Variants in STRA6 observed in about 807,000 individuals in gnomAD.
STRA6 encodes receptor for retinol uptake STRA6.
A neutral mutation model predicts 83.6 loss-of-function variants in STRA6; 48 were observed. The ratio of observed to expected loss-of-function variants is 0.57; its 90% confidence interval spans 0.46 to 0.73. STRA6 has a LOEUF of 0.73. Among genes scored for constraint, STRA6 ranks in the 30% least tolerant of loss-of-function variants. The pLI, the probability that STRA6 is intolerant of heterozygous loss-of-function variation, is 0.00. For synonymous variants in STRA6, 353 were observed against 362.3 expected, an observed-to-expected ratio of 0.97 and a Z score of 0.29; for missense variants, 760 against 838.8, an observed-to-expected ratio of 0.91 and a Z score of 1.16.
chr15:74,196,197 C>T, intron 4 of STRA6, 50 bp from the exon 5 acceptor site: 2 of 1,607,372 alleles, frequency 1.2e-6, no homozygotes, highest in Non-Finnish European at 8.5e-7. Context: ...AGCCCCTGCA[C>T]CCCCATTACC....
intron 12 of STRA6, among the ~76,000 whole-genome samples, chr15:74,186,463 C>T (rs2073250220): frequency 6.6e-6 from 1 of 152,204 alleles, no homozygotes; most frequent in South Asian, 2.1e-4. Context: ...CAAAAATTAG[C>T]CAGGCCTGGT....
chr15:74,210,900 G>A (rs1274711668), upstream of STRA6, among the ~76,000 whole-genome samples: 1 of 152,178 alleles, frequency 6.6e-6, no homozygotes, highest in Admixed American at 6.5e-5. Flanking sequence ...TGTGATAGCT[G>A]GATCTCAGGC....
exon 1 of STRA6, chr15:74,208,820 G>C (rs2074320731): frequency 1.0e-6 from 1 of 989,120 alleles, no homozygotes; most frequent in East Asian, 1.1e-4. Context: ...GCGCTCTCCT[G>C]ACCTCTCCCT....
Position 74,188,996 on chromosome 15 carries a change from G to A in STRA6, c.1090+119C>T. The stretch of plus-strand genomic sequence containing the variant: ...GGAGATGAGGCAATCGAGACCCAGA[G>A]AGAGGAAGGAATGTGTCCAAGGGCC... On this transcript the variant is annotated intron_variant, in intron 12 of 18. Coordinates refer to ENST00000395105, the MANE Select transcript of STRA6 (RefSeq NM_022369.4). The surrounding 1 kb of genome is among the most constrained non-coding windows in gnomAD (Gnocchi z 4.5). 8.0e-7 allele frequency: 1 copy of A among 1,247,552 alleles called. No homozygotes were observed. Among genetic ancestry groups the A allele is most frequent in the South Asian group, 1.3e-5 (1 of 76,080 alleles). 77.3% of individuals were successfully genotyped at this position (1,247,552 alleles called of 1,614,324 possible).
chr15:74,184,870 G>T, intron 13 of STRA6, 110 bp downstream of exon 13: 2 of 1,113,966 alleles, frequency 1.8e-6, no homozygotes, highest in Non-Finnish European at 2.7e-6. Context: ...ATGACAGCCC[G>T]GGCCGGCAGA....
chr15:74,180,477 G>C (rs946971538), intron 18 of STRA6, among the ~76,000 whole-genome samples: 3 of 152,158 alleles, frequency 2.0e-5, no homozygotes, highest in African/African-American at 7.2e-5. Flanking sequence ...CACACTTCTG[G>C]GCAGAAGGAA....
In STRA6 at chr15:74,197,290, C is replaced by T. The variant is rs571567311; in HGVS notation, c.266+48G>A. 4 of 1,395,760 alleles carry T rather than the reference C, an allele frequency of 2.9e-6. No homozygotes were observed. In the South Asian group the frequency reaches 3.7e-5, roughly 13 times the overall value. 86.5% of individuals were successfully genotyped at this position (1,395,760 alleles called of 1,614,324 possible). On this transcript the variant is annotated intron_variant, in intron 4 of 18. Coordinates refer to ENST00000395105, the MANE Select transcript of STRA6 (RefSeq NM_022369.4). ...AATCACCCACCCTCCCAGAGGGACC[C>T]TGTCAGCTGGGTCCCCTGAGTGGGG...
Position 74,193,791 on chromosome 15 carries a change from C to G in STRA6, c.720+9G>C, listed in dbSNP as rs573299055. On this transcript the variant is annotated intron_variant, in intron 8 of 18. Transcript: ENST00000395105. ...TGAGGAAGAGCTCATCCCAGGCCTG[C>G]CCCTTTACCTTGGAGCCTGCTCCTG... The G allele has an allele frequency of 6.2e-6, 10 of 1,613,206 alleles. No homozygotes were observed. The highest frequency in any genetic ancestry group is 8.5e-6 in the Non-Finnish European group (10 of 1,179,482).
upstream of STRA6, among the ~76,000 whole-genome samples, chr15:74,207,542 C>T (rs1035667870): frequency 4.6e-5 from 7 of 152,218 alleles, no homozygotes; most frequent in Admixed American, 2.0e-4. Flanking sequence ...CCCCGTTGCT[C>T]TCCACCCTCC....
rs1201905979 is a variant in STRA6, at chr15:74,180,161, C to G, written c.1923G>C (p.Leu641=). 1 of 1,613,868 alleles carries G rather than the reference C, an allele frequency of 6.2e-7. No homozygotes were observed. The highest frequency in any genetic ancestry group is 1.3e-5 in the African/African-American group (1 of 74,926). The stretch of plus-strand genomic sequence containing the variant: ...TTGGGTTGTGCAGCAGCGTGTAGGC[C>G]AGACCCCAGCGAGCCCTGCCGCGGC... ...GASRGRARWG[L]AYTLLHNPTL... is the part of the protein sequence containing the mutation. The change falls in exon 19 of 19, where the codon CTG becomes CTC. Residue 641 remains leucine (L), a synonymous_variant. Coordinates refer to ENST00000395105, the MANE Select transcript of STRA6 (RefSeq NM_022369.4).
intron 2 of STRA6, among the ~76,000 whole-genome samples, chr15:74,200,469 T>C (rs2074008428): frequency 6.6e-6 from 1 of 152,176 alleles, no homozygotes; most frequent in Admixed American, 6.5e-5. Context: ...TTAGGACATT[T>C]CTGTGGCTGA....
Position 74,191,232 on chromosome 15 carries a change from G to T in STRA6, c.800C>A (p.Ser267Tyr), listed in dbSNP as rs150237465. 2.5e-6 allele frequency: 4 copies of T among 1,613,714 alleles called. No homozygotes were observed. In the African/African-American group the frequency reaches 5.3e-5, roughly 22 times the overall value. ...RKKLGSSYHT[S>Y]KHGFLSWARV... Reference sequence around the variant, plus strand: ...GGCCCAGGACAGGAAGCCATGCTTGGAGGTGTGGTAGCTGCAGAAAGACCC... The same window carrying T: ...GGCCCAGGACAGGAAGCCATGCTTGTAGGTGTGGTAGCTGCAGAAAGACCC... Residue 267 changes from serine (S) to tyrosine (Y), a missense_variant, in exon 10 of 19, where the codon TCC (serine) becomes TAC (tyrosine). Ser to Tyr is a moderately radical substitution (Grantham distance 144). Transcript: ENST00000395105.
rs552866601 is a variant in STRA6 at position 74,188,123 on chromosome 15, G to T, written c.1090+992C>A. 6.6e-6 allele frequency among the ~76,000 whole-genome samples: 1 copy of T among 152,308 alleles called. No homozygotes were observed. Among genetic ancestry groups the T allele is most frequent in the African/African-American group, 2.4e-5 (1 of 41,582 alleles). On this transcript the variant is annotated intron_variant, in intron 12 of 18. Transcript: ENST00000395105. This position sits in a 1 kb window ranked among gnomAD's most constrained non-coding sequence, Gnocchi z 4.5. ...CTAGTACGGGAACTGAGGTGCTCAC[G>T]GAGATGGTGGAGGTGGTCAGGGAAG... is the stretch of plus-strand genomic sequence containing the variant.
chr15:74,191,426 G>A lies in STRA6; in HGVS notation c.786C>T (p.Ser262=). 1.2e-6 allele frequency: 2 copies of A among 1,614,114 alleles called. No homozygotes were observed. The highest frequency in any genetic ancestry group is 8.5e-7 in the Non-Finnish European group (1 of 1,179,978). The change falls in exon 9 of 19, where the codon AGC becomes AGT. Residue 262 remains serine, a splice_region_variant and synonymous_variant. Coordinates refer to ENST00000395105, the MANE Select transcript of STRA6 (RefSeq NM_022369.4). ...RNLLCRKKLG[S]SYHTSKHGFL... is the part of the protein sequence containing the mutation. ...AAAGGGTGTGTCAGAGACCCCACCT[G>A]CTTCCCAGCTTCTTCCTGCAAAGGA...
At chr15:74,203,216 G>A (rs77598425), upstream of STRA6, 1 of 482,768 alleles carries the variant, frequency 2.1e-6, no homozygotes, top group Non-Finnish European at 2.6e-6. Flanking sequence ...AACCCTTTTT[G>A]TTCCTACAAG....
At chr15:74,193,758 T>C in intron 8 of STRA6, 42 bp downstream of exon 8, 1 of 1,610,664 alleles carries the variant, frequency 6.2e-7, no homozygotes. Flanking sequence ...TAGGGCTGTC[T>C]TGGGTGCTGA....
intron 2 of STRA6, among the ~76,000 whole-genome samples, chr15:74,200,173 T>G (rs2073992244): frequency 6.6e-6 from 1 of 152,128 alleles, no homozygotes; most frequent in Non-Finnish European, 1.5e-5. Context: ...TGAGCCAAGA[T>G]CGCACCACTG....
chr15:74,192,955 C>A (rs1305383061), intron 8 of STRA6, among the ~76,000 whole-genome samples: 2 of 152,200 alleles, frequency 1.3e-5, no homozygotes, highest in African/African-American at 4.8e-5. Context: ...GGAGATCAGA[C>A]ACAAGTCCAT....
intron 12 of STRA6, among the ~76,000 whole-genome samples, chr15:74,185,754 C>T (rs1345711314): frequency 6.6e-6 from 1 of 152,262 alleles, no homozygotes; most frequent in Non-Finnish European, 1.5e-5. Context: ...GTAACAGCAA[C>T]CCCGCAAGGT....
Sources: allele counts gnomAD v4.1 joint callset (sites outside exome capture counted in the v4.1 genomes callset), GRCh38; gene constraint gnomAD v4.1.1; non-coding constraint Gnocchi (gnomAD v3.1); transcripts MANE v1.5; gene names NCBI Gene and HGNC (gene_info 2026-07-23, HGNC 2026-07-21).